The following INPP5B variants were observed in gnomAD, a reference collection of about 807,000 sequenced individuals.
INPP5B encodes the protein type II inositol 1,4,5-trisphosphate 5-phosphatase.
In INPP5B, 90 loss-of-function variants were observed where a neutral mutation model predicts 118.5. The observed-to-expected ratio is 0.76, with a 90% confidence interval of 0.64 to 0.90. INPP5B has a LOEUF of 0.90. Ranked by LOEUF, INPP5B falls within the 40% of genes least tolerant of loss-of-function variation. The probability of loss-of-function intolerance (pLI) is 0.00; values close to 1 mark genes in which losing one functional copy is unlikely to be tolerated. For synonymous variants in INPP5B, 385 were observed against 418.9 expected, an observed-to-expected ratio of 0.92 and a Z score of 0.99; for missense variants, 984 against 1,125.6, an observed-to-expected ratio of 0.87 and a Z score of 1.80.
In INPP5B at chr1:37,864,336, T is replaced by A; in HGVS notation, c.2602A>T (p.Asn868Tyr). Reference sequence around the variant, plus strand: ...CCTAGAATATTCTCATCCAAATGATTTTTTGCTGAATTTTTCAGCAGTTCT... The same window carrying A: ...CCTAGAATATTCTCATCCAAATGATATTTTGCTGAATTTTTCAGCAGTTCT... Reference protein sequence around the residue: ...LRELLKNSAKNHLDENILASI... With the variant: ...LRELLKNSAKYHLDENILASI... Residue 868 changes from asparagine (N) to tyrosine (Y), a missense_variant, in exon 23 of 24, where the codon AAT becomes TAT. Asn to Tyr is a moderately radical substitution (Grantham distance 143). Transcript: ENST00000373024. 1.2e-6 allele frequency: 2 copies of A among 1,608,918 alleles called. No individual in the cohort carries two copies. Among genetic ancestry groups the A allele is most frequent in the South Asian group, 2.2e-5 (2 of 90,858 alleles).
intron 12 of INPP5B, among the ~76,000 whole-genome samples, chr1:37,886,468 G>T (rs1169124882): frequency 6.6e-6 from 1 of 152,100 alleles, no homozygotes; most frequent in African/African-American, 2.4e-5. Context: ...CTAAATCACA[G>T]GCAAACCATA....
intron 13 of INPP5B, among the ~76,000 whole-genome samples, chr1:37,885,308 G>A (rs1643459148): frequency 6.6e-6 from 1 of 152,086 alleles, no homozygotes; most frequent in Non-Finnish European, 1.5e-5. Context: ...CAGCTACTCA[G>A]GAGGCTGAGG....
At chr1:37,883,848 G>A (rs752859152) in intron 13 of INPP5B, 32 of 985,210 alleles carry the variant, frequency 3.2e-5, no homozygotes, top group Admixed American at 2.5e-4. Context: ...CAGATATCAC[G>A]GCCCCAGTGG....
Position 37,880,200 on chromosome 1 carries a change from C to T in INPP5B, c.1432-6G>A. ...GCGGCCACCTGAATTTTCAGCTATA[C>T]AAAAGGATGGGAGAAAAAAAAATAT... On this transcript the variant is annotated splice_polypyrimidine_tract_variant and splice_region_variant and intron_variant, in intron 14 of 23. Coordinates refer to ENST00000373024, the MANE Select transcript of INPP5B (RefSeq NM_005540.3). 6.3e-7 allele frequency: 1 copy of T among 1,591,212 alleles called. No homozygotes were observed. Among genetic ancestry groups the T allele is most frequent in the Non-Finnish European group, 8.6e-7 (1 of 1,163,642 alleles).
intron 7 of INPP5B, among the ~76,000 whole-genome samples, chr1:37,896,734 A>C: frequency 9.0e-6 from 1 of 111,602 alleles, no homozygotes; most frequent in African/African-American, 3.4e-5. Flanking sequence ...TGGGGGAGTC[A>C]GCCCCCCGCC....
chr1:37,935,285 G>A lies in INPP5B; in HGVS notation c.392-3232C>T, dbSNP rs533450551. Among the ~76,000 whole-genome samples, 124 of 147,570 alleles carry A rather than the reference G, an allele frequency of 8.4e-4. 1 individual carries two copies. Among genetic ancestry groups the A allele is most frequent in the African/African-American group, 3.0e-3 (122 of 40,382 alleles). On this transcript the variant is annotated intron_variant, in intron 6 of 23. Transcript: ENST00000373024. ...CGGCTCACTGCAACCTCTGCCTCCC[G>A]GGTTCAAGCGATTCTCCCGCCTCAG...
chr1:37,912,937 C>T (rs1296934291), intron 7 of INPP5B, among the ~76,000 whole-genome samples: 1 of 130,354 alleles, frequency 7.7e-6, no homozygotes, highest in East Asian at 2.2e-4. Flanking sequence ...GAGGCCTCGA[C>T]TTACTCACTG....
chr1:37,933,832 C>G (rs992603244), intron 6 of INPP5B, among the ~76,000 whole-genome samples: 7 of 151,278 alleles, frequency 4.6e-5, no homozygotes, highest in African/African-American at 1.7e-4. Context: ...ACTGAAATCT[C>G]TGAACTCCGA....
chr1:37,902,390 C>T (rs570257955), intron 7 of INPP5B, among the ~76,000 whole-genome samples: 1 of 152,198 alleles, frequency 6.6e-6, no homozygotes, highest in East Asian at 1.9e-4. Context: ...ATTTCCCTAC[C>T]TCCATTTTCA....
At chr1:37,901,406 C>T (rs1457393289) in intron 7 of INPP5B, among the ~76,000 whole-genome samples, 1 of 152,086 alleles carries the variant, frequency 6.6e-6, no homozygotes, top group Non-Finnish European at 1.5e-5. Flanking sequence ...TGGAAAGGCA[C>T]CTGCACTTTT....
Position 37,889,735 on chromosome 1 carries a change from A to G in INPP5B, c.630-11T>C. ...TTGGATTTATTCTGTCTGGAAAAAC[A>G]GAAGTATTTTTTTCATATGTGGATG... On this transcript the variant is annotated splice_polypyrimidine_tract_variant and intron_variant, in intron 8 of 23. Transcript: ENST00000373024. 1.2e-6 allele frequency: 2 copies of G among 1,600,680 alleles called. No individual in the cohort carries two copies. Among genetic ancestry groups the G allele is most frequent in the Non-Finnish European group, 1.7e-6 (2 of 1,172,822 alleles).
rs1643482735 is a variant in INPP5B at position 37,885,616 on chromosome 1, T to C, written c.1319+22A>G. 4 of 1,610,212 alleles carry C rather than the reference T, an allele frequency of 2.5e-6. No homozygotes were observed. In the African/African-American group the frequency reaches 5.3e-5, roughly 22 times the overall value. ...CTCTATGTACTCATGGTGAACCGCA[T>C]GGGGTGGAAGCCCAGACTCACTCAT... On this transcript the variant is annotated intron_variant, in intron 13 of 23. Transcript: ENST00000373024.
intron 7 of INPP5B, among the ~76,000 whole-genome samples, chr1:37,910,832 C>T (rs780659202): frequency 6.6e-6 from 1 of 152,158 alleles, no homozygotes; most frequent in African/African-American, 2.4e-5. Context: ...CCCTGTGGTG[C>T]CAAAGCCATA....
chr1:37,884,258 A>G (rs1290130267), intron 13 of INPP5B: 3 of 152,182 alleles, frequency 2.0e-5, no homozygotes, highest in African/African-American at 7.2e-5. Context: ...AGACTACAAT[A>G]TAGCCGTCAA....
At chr1:37,890,963 A>C (rs1179305090) in intron 8 of INPP5B, among the ~76,000 whole-genome samples, 1 of 152,196 alleles carries the variant, frequency 6.6e-6, no homozygotes, top group Non-Finnish European at 1.5e-5. Flanking sequence ...ACGGTGGCTC[A>C]TGCCTGTAAT....
intron 7 of INPP5B, 36 bp from the exon 8 acceptor site, chr1:37,891,490 A>C: frequency 4.9e-6 from 7 of 1,436,186 alleles, no homozygotes; most frequent in Non-Finnish European, 6.9e-6. Flanking sequence ...ATATACATAC[A>C]TAGGCTGGAC....
chr1:37,878,028 C>T (rs1642948352), intron 16 of INPP5B, among the ~76,000 whole-genome samples, 160 bp downstream of exon 16: 1 of 152,178 alleles, frequency 6.6e-6, no homozygotes, highest in African/African-American at 2.4e-5. Context: ...CATACTAAAA[C>T]AATTATTAAC....
At chr1:37,863,970 A>T (rs1641872238) in intron 23 of INPP5B, among the ~76,000 whole-genome samples, 1 of 151,492 alleles carries the variant, frequency 6.6e-6, no homozygotes. Context: ...ATGCACCACC[A>T]CACTCAGCTA....
At chr1:37,901,730 C>T (rs554863317) in intron 7 of INPP5B, among the ~76,000 whole-genome samples, 18 of 152,282 alleles carry the variant, frequency 1.2e-4, no homozygotes, top group Middle Eastern at 3.4e-3. Context: ...GGGCGGTCTT[C>T]TCGGAATCTC....
Sources: allele counts gnomAD v4.1 joint callset (sites outside exome capture counted in the v4.1 genomes callset), GRCh38; gene constraint gnomAD v4.1.1; transcripts MANE v1.5; gene names NCBI Gene and HGNC (gene_info 2026-07-23, HGNC 2026-07-21).